Variants in NBAS observed in about 807,000 individuals in gnomAD.
NBAS encodes the protein NAG/BC035112 fusion.
A neutral mutation model predicts 302.5 loss-of-function variants in NBAS; 219 were observed. That is an observed-to-expected ratio of 0.72 (90% CI 0.65 to 0.81). The LOEUF is 0.81. Ranked by LOEUF, NBAS falls within the 30% of genes least tolerant of loss-of-function variation. NBAS has a pLI of 0.00. For missense variants in NBAS, 2,932 were observed against 2,841.6 expected (o/e 1.03, Z -0.72); for synonymous variants, 1,118 against 1,021.6 (o/e 1.09, Z -1.80).
At chr2:15,293,912 AT>A (rs5829498) in intron 40 of NBAS, among the ~76,000 whole-genome samples, 83,254 of 151,982 alleles carry the variant, frequency 0.55, 24,360 homozygotes, top group East Asian at 0.85. Flanking sequence ...TACTATATTT[AT>A]TTTTTTCCCT....
At position 15,383,332 on chromosome 2, in the gene NBAS, A is replaced by T. The variant is rs1169536995; in HGVS notation, c.3258-15T>A. On this transcript the variant is annotated splice_polypyrimidine_tract_variant and intron_variant, in intron 28 of 51. Transcript: ENST00000281513. ...CAGGAGGCTGCCTGGAAAAACACAT[A>T]AAAAAGACAAGGAAGAGGGAAAGAA... 4 of 1,604,042 alleles carry T rather than the reference A, an allele frequency of 2.5e-6. No homozygotes were observed. The highest frequency in any genetic ancestry group is 1.1e-5 in the South Asian group (1 of 90,860).
the NBAS span, among the ~76,000 whole-genome samples, chr2:14,941,225 T>C: frequency 1.3e-5 from 2 of 152,222 alleles, no homozygotes; most frequent in African/African-American, 4.8e-5. Context: ...ACTCTTTCCA[T>C]AACAGTCCAG....
chr2:15,554,039 AT>A, intron 4 of NBAS, 21 bp downstream of exon 4: 2 of 1,385,784 alleles, frequency 1.4e-6, no homozygotes, highest in South Asian at 1.2e-5. Flanking sequence ...ACAGAAAAAC[AT>A]TGAATTTCAC....
At chr2:15,287,668 G>A (rs2148093190) in intron 41 of NBAS, among the ~76,000 whole-genome samples, 1 of 150,896 alleles carries the variant, frequency 6.6e-6, no homozygotes. Context: ...CCATGTGTAG[G>A]CAGTCCCGTG....
At chr2:14,927,401 CCTTT>C in the NBAS span, among the ~76,000 whole-genome samples, 2 of 152,166 alleles carry the variant, frequency 1.3e-5, no homozygotes, top group Admixed American at 1.3e-4. Flanking sequence ...GTCAACATTT[CCTTT>C]CTTTTTAAGA....
chr2:14,819,313 A>C, the NBAS span, among the ~76,000 whole-genome samples: 1 of 152,236 alleles, frequency 6.6e-6, no homozygotes, highest in African/African-American at 2.4e-5. Context: ...GAACCCTTCC[A>C]ATCCTAGAAG....
the NBAS span, among the ~76,000 whole-genome samples, chr2:14,805,302 T>C: frequency 3.3e-5 from 5 of 152,062 alleles, no homozygotes; most frequent in African/African-American, 4.8e-5. Context: ...CGCAAAGGAA[T>C]GGCAATTGGG....
In NBAS at chr2:15,528,878, AAT is replaced by A. The variant is rs57028015; in HGVS notation, c.746+5663_746+5664del. Among the ~76,000 whole-genome samples the A allele has an allele frequency of 4.5e-3, 541 of 121,498 alleles. 4 individuals carry two copies. The highest frequency in any genetic ancestry group is 0.012 in the Middle Eastern group (3 of 250). The allele number at this position is 121,498 out of a possible 152,430, so 79.7% of individuals were successfully genotyped here. On this transcript the variant is annotated intron_variant, in intron 9 of 51. Coordinates refer to ENST00000281513, the MANE Select transcript of NBAS (RefSeq NM_015909.4). ...TGAGACTCCATCTCAAAAAAAAAAA[AAT>A]ATATATATATATATATATGTGTGTA...
At chr2:15,094,232 T>C in the NBAS span, among the ~76,000 whole-genome samples, 2 of 152,214 alleles carry the variant, frequency 1.3e-5, no homozygotes, top group Non-Finnish European at 2.9e-5. Context: ...AGGTAACTGT[T>C]TGGAAAGAAC....
At chr2:15,169,138 T>C (rs1023024923) in intron 51 of NBAS, among the ~76,000 whole-genome samples, 4 of 152,188 alleles carry the variant, frequency 2.6e-5, no homozygotes, top group Admixed American at 2.0e-4. Context: ...TGAATAGAAC[T>C]AGACTCCAGA....
chr2:15,484,813 G>A (rs1431729140), intron 12 of NBAS, among the ~76,000 whole-genome samples: 2 of 152,120 alleles, frequency 1.3e-5, no homozygotes, highest in African/African-American at 4.8e-5. Flanking sequence ...TCTTAGTAGA[G>A]TCAATAAATA....
At chr2:15,148,915 C>T in the NBAS span, among the ~76,000 whole-genome samples, 13 of 152,086 alleles carry the variant, frequency 8.5e-5, no homozygotes, top group Non-Finnish European at 1.3e-4. Flanking sequence ...ATTAGGCTTT[C>T]GACATTTAAG....
chr2:15,396,597 T>C (rs1303842534), intron 26 of NBAS, 122 bp from the exon 27 acceptor site: 1 of 608,182 alleles, frequency 1.6e-6, no homozygotes, highest in Admixed American at 3.2e-5. Context: ...ATAACAATAT[T>C]ATCTAAATTC....
the NBAS span, among the ~76,000 whole-genome samples, chr2:14,844,239 A>G: frequency 1.3e-5 from 2 of 152,196 alleles, no homozygotes; most frequent in Non-Finnish European, 2.9e-5. Flanking sequence ...CACCAGTCAG[A>G]GTCATCGTGA....
the NBAS span, among the ~76,000 whole-genome samples, chr2:14,785,128 A>G: frequency 7.2e-5 from 11 of 152,072 alleles, no homozygotes; most frequent in African/African-American, 2.2e-4. Flanking sequence ...TTTGTCTGTT[A>G]TTGGTGTATA....
the NBAS span, among the ~76,000 whole-genome samples, chr2:14,899,650 C>T: frequency 1.3e-5 from 2 of 152,106 alleles, no homozygotes; most frequent in South Asian, 4.1e-4. Context: ...GTGATCATAA[C>T]CAATTTAACT....
Position 15,402,166 on chromosome 2 carries a change from AC to A in NBAS, c.3071+1del. 1.2e-6 allele frequency: 2 copies of A among 1,613,446 alleles called. No individual in the cohort carries two copies. The highest frequency in any genetic ancestry group is 1.1e-5 in the South Asian group (1 of 91,068). On this transcript the variant is annotated splice_donor_variant, in intron 26 of 51. Coordinates refer to ENST00000281513, the MANE Select transcript of NBAS (RefSeq NM_015909.4). LOFTEE classifies it high-confidence loss of function. ...TAAGACTGGCATACTGTGTATTCTTACCCATATCCTCTTTCTGGCAGACATT... is the reference window on the plus strand; with the variant it reads ...TAAGACTGGCATACTGTGTATTCTTACCATATCCTCTTTCTGGCAGACATT...
intron 32 of NBAS, among the ~76,000 whole-genome samples, chr2:15,361,935 G>A (rs954575940): frequency 5.3e-5 from 8 of 151,224 alleles, no homozygotes; most frequent in Admixed American, 2.6e-4. Context: ...AGCTGAGATC[G>A]TGCCATTGTA....
At chr2:15,419,798 G>T (rs1047064746) in intron 23 of NBAS, among the ~76,000 whole-genome samples, 3 of 151,708 alleles carry the variant, frequency 2.0e-5, no homozygotes, top group African/African-American at 7.3e-5. Flanking sequence ...GGCAAGCTCT[G>T]CCTCCTGGGT....
Sources: gnomAD v4.1 joint callset for allele counts (sites outside exome capture counted in the v4.1 genomes callset) on GRCh38, gnomAD v4.1.1 for gene constraint, MANE v1.5 for transcripts, NCBI Gene and HGNC (gene_info 2026-07-23, HGNC 2026-07-21) for gene names.